The following ZSCAN1 variants were observed in gnomAD, a reference collection of about 807,000 sequenced individuals.
The protein encoded by ZSCAN1 is zinc finger and SCAN domain containing 1, also known as zinc finger and SCAN domain-containing protein 1.
Under a neutral mutation model 23.8 loss-of-function variants are expected in ZSCAN1, and 23 were observed. The ratio of observed to expected loss-of-function variants is 0.97; its 90% confidence interval spans 0.70 to 1.37. ZSCAN1 has a LOEUF of 1.37. ZSCAN1 is among the 40% of genes most tolerant of loss of function. The pLI, the probability that ZSCAN1 is intolerant of heterozygous loss-of-function variation, is 0.00. For synonymous variants in ZSCAN1, 236 were observed against 232.3 expected (o/e 1.02, Z -0.15); for missense variants, 575 against 554.0 (o/e 1.04, Z -0.38).
chr19:58,040,699 A>T lies in ZSCAN1; in HGVS notation c.465+155A>T, dbSNP rs1287000586. ...TCCAAACTCCCCGCCTGCCCCACAG[A>T]TTCCCCAAGCTTCCTGGGGCTCAGT... On this transcript the variant is annotated intron_variant, in intron 4 of 5. Transcript: ENST00000282326. This position sits in a 1 kb window ranked among gnomAD's most constrained non-coding sequence, Gnocchi z 5.8. Among the ~76,000 whole-genome samples, 2 of 152,130 alleles carry T rather than the reference A, an allele frequency of 1.3e-5. No homozygotes were observed. The highest frequency in any genetic ancestry group is 2.9e-5 in the Non-Finnish European group (2 of 68,016).
intron 4 of ZSCAN1, among the ~76,000 whole-genome samples, chr19:58,042,989 C>A (rs2073800603): frequency 6.6e-6 from 1 of 152,236 alleles, no homozygotes; most frequent in Admixed American, 6.5e-5. Flanking sequence ...AGGCCTGGCG[C>A]CCGCGTGGAG....
At position 58,053,480 on chromosome 19, in the gene ZSCAN1, AC is replaced by A; in HGVS notation, c.658del (p.Leu220PhefsTer15). ...CCGAGTATCTGGGACGAGCCTGAGG[AC>A]CTTCTCGCAGGGCCCTCCTCAGACC... Reference protein sequence around the residue: ...LKPSIWDEPEDLLAGPSSDLR... With the variant: ...LKPSIWDEPEXLLAGPSSDLR... On this transcript the variant is annotated frameshift_variant, in exon 6 of 6. Coordinates refer to ENST00000282326, the MANE Select transcript of ZSCAN1 (RefSeq NM_182572.4). LOFTEE classifies it low-confidence loss of function (END_TRUNC). The surrounding 1 kb of genome is among the most constrained non-coding windows in gnomAD (Gnocchi z 5.8). The A allele has an allele frequency of 6.2e-7, 1 of 1,613,790 alleles. No individual in the cohort carries two copies. Among genetic ancestry groups the A allele is most frequent in the Non-Finnish European group, 8.5e-7 (1 of 1,179,832 alleles).
intron 4 of ZSCAN1, among the ~76,000 whole-genome samples, chr19:58,048,278 A>G (rs1199025221): frequency 6.6e-6 from 1 of 152,254 alleles, no homozygotes; most frequent in Admixed American, 6.5e-5. Context: ...TAGACATTTT[A>G]TAGCTTTAAC....
At chr19:58,046,119 C>T (rs548215821) in intron 4 of ZSCAN1, 1 of 702,222 alleles carries the variant, frequency 1.4e-6, no homozygotes, top group African/African-American at 1.8e-5. Context: ...CTGACACTGT[C>T]CTGCAGTCAG....
At position 58,045,136 on chromosome 19, in the gene ZSCAN1, G is replaced by C; in HGVS notation, c.465+4592G>C. ...AAGATCGCAGCACGCATGCTCTGGC[G>C]CATCCTCAACTGCCACACCCTGACC... On this transcript the variant is annotated intron_variant, in intron 4 of 5. Coordinates refer to ENST00000282326, the MANE Select transcript of ZSCAN1 (RefSeq NM_182572.4). This position sits in a 1 kb window ranked among gnomAD's most constrained non-coding sequence, Gnocchi z 4.3. 1 of 1,241,460 alleles carries C rather than the reference G, an allele frequency of 8.1e-7. No individual in the cohort carries two copies. Among genetic ancestry groups the C allele is most frequent in the Non-Finnish European group, 1.2e-6 (1 of 844,870 alleles). The allele number at this position is 1,241,460 out of a possible 1,614,324, so 76.9% of individuals were successfully genotyped here. A position where few individuals can be genotyped will look rare whatever the true frequency, so the allele number is the denominator to read the frequency against.
At chr19:58,039,366 A>G (rs968988867) in intron 3 of ZSCAN1, among the ~76,000 whole-genome samples, 5 of 152,176 alleles carry the variant, frequency 3.3e-5, no homozygotes, top group Non-Finnish European at 7.4e-5. Context: ...AACGTTTTTG[A>G]GCAAAGGGCT....
rs1279975850 is a variant in ZSCAN1 at position 58,034,125 on chromosome 19, G to A, written c.-188G>A. On this transcript the variant is annotated 5_prime_UTR_variant, in exon 1 of 6. It removes an upstream start codon present in the reference 5' UTR. Coordinates refer to ENST00000282326, the MANE Select transcript of ZSCAN1 (RefSeq NM_182572.4). Reference sequence around the variant, plus strand: ...CGCTCGCCAGCCCAGGGGTCGCCATGACCGAGTGGCCCAGGCCCGAGCGAA... The same window carrying A: ...CGCTCGCCAGCCCAGGGGTCGCCATAACCGAGTGGCCCAGGCCCGAGCGAA... The A allele has an allele frequency of 6.6e-6, 1 of 151,360 alleles. No individual in the cohort carries two copies. The highest frequency in any genetic ancestry group is 1.5e-5 in the Non-Finnish European group (1 of 67,796). 9.4% of individuals were successfully genotyped at this position (151,360 alleles called of 1,614,324 possible).
chr19:58,040,667 C>T lies in ZSCAN1; in HGVS notation c.465+123C>T, dbSNP rs902139735. 2 of 949,922 alleles carry T rather than the reference C, an allele frequency of 2.1e-6. No individual in the cohort carries two copies. The highest frequency in any genetic ancestry group is 5.1e-5 in the East Asian group (2 of 39,250). 58.8% of individuals were successfully genotyped at this position (949,922 alleles called of 1,614,324 possible). ...GGTTGTCCCCAGCGCTCCCAGGAAG[C>T]CCGGCCTCCAAACTCCCCGCCTGCC... On this transcript the variant is annotated intron_variant, in intron 4 of 5. Transcript: ENST00000282326. The surrounding 1 kb of genome is among the most constrained non-coding windows in gnomAD (Gnocchi z 5.8).
Position 58,045,357 on chromosome 19 carries a change from G to C in ZSCAN1, c.465+4813G>C. The C allele has an allele frequency of 1.2e-6, 1 of 817,232 alleles. No individual in the cohort carries two copies. The allele number at this position is 817,232 out of a possible 1,614,324, so 50.6% of individuals were successfully genotyped here. ...GCTGAAGGAGCTTCAGGTCAAGCTG[G>C]AGCTAGCCGAGTTCCTCCAGGACAC... On this transcript the variant is annotated intron_variant, in intron 4 of 5. Transcript: ENST00000282326. The surrounding 1 kb of genome is among the most constrained non-coding windows in gnomAD (Gnocchi z 4.3).
intron 4 of ZSCAN1, among the ~76,000 whole-genome samples, chr19:58,044,385 T>G (rs1592996): frequency 0.89 from 134,587 of 151,926 alleles, 60,371 homozygotes; most frequent in African/African-American, 0.94. Flanking sequence ...AGCTTTGTTT[T>G]AAAGAAGCGG....
In ZSCAN1 at chr19:58,038,104, C is replaced by T. The variant is rs2073753383; in HGVS notation, c.268C>T (p.Leu90=). Residue 90 remains leucine, a synonymous_variant, in exon 3 of 6, where the codon CTG becomes TTG. Coordinates refer to ENST00000282326, the MANE Select transcript of ZSCAN1 (RefSeq NM_182572.4). Reference sequence around the variant, plus strand: ...GGTGCTGGAGCAGTTCCTGGGCGCGCTGCCCAGCAAGATGCGGACCTGGGT... The same window carrying T: ...GGTGCTGGAGCAGTTCCTGGGCGCGTTGCCCAGCAAGATGCGGACCTGGGT... The part of the protein sequence containing the change: ...LLVLEQFLGA[L]PSKMRTWVQS... 9 of 1,610,992 alleles carry T rather than the reference C, an allele frequency of 5.6e-6. No homozygotes were observed. The highest frequency in any genetic ancestry group is 7.6e-6 in the Non-Finnish European group (9 of 1,179,806).
At chr19:58,052,878 G>T (rs2073866971) in intron 5 of ZSCAN1, among the ~76,000 whole-genome samples, 2 of 152,086 alleles carry the variant, frequency 1.3e-5, no homozygotes, top group African/African-American at 4.8e-5. Context: ...CAGTCTGAGA[G>T]TGTTGGAGCA....
Position 58,038,123 on chromosome 19 carries a change from C to A in ZSCAN1, c.287C>A (p.Thr96Asn), listed in dbSNP as rs1292724191. 4 of 1,610,366 alleles carry A rather than the reference C, an allele frequency of 2.5e-6. No individual in the cohort carries two copies. In the African/African-American group the frequency reaches 5.3e-5, roughly 22 times the overall value. Residue 96 changes from threonine (T) to asparagine (N), a missense_variant, in exon 3 of 6, where the codon ACC (threonine) becomes AAC (asparagine). Thr to Asn is a moderately conservative substitution (Grantham distance 65). Transcript: ENST00000282326. ...FLGALPSKMR[T>N]WVQSQGPRSC... ...GGCGCGCTGCCCAGCAAGATGCGGA[C>A]CTGGGTGCAGTCACAGGGCCCCCGA...
rs1247190980 is a variant in ZSCAN1 at position 58,034,041 on chromosome 19, A to G, written c.-272A>G. The G allele has an allele frequency of 6.6e-6, 1 of 151,920 alleles. No individual in the cohort carries two copies. The highest frequency in any genetic ancestry group is 1.5e-5 in the Non-Finnish European group (1 of 67,930). The allele number at this position is 151,920 out of a possible 1,614,324, so 9.4% of individuals were successfully genotyped here. ...ACGCCCGGCGTGATCCAGCGGACCAATGGCGGCCGCCCGCGGCGCGCAGGG... is the reference window on the plus strand; with the variant it reads ...ACGCCCGGCGTGATCCAGCGGACCAGTGGCGGCCGCCCGCGGCGCGCAGGG... On this transcript the variant is annotated 5_prime_UTR_variant, in exon 1 of 6. An upstream start codon of the reference 5' UTR is lost. Transcript: ENST00000282326.
chr19:58,054,019 C>G lies in ZSCAN1; in HGVS notation c.1195C>G (p.Gln399Glu). Residue 399 changes from glutamine (Q) to glutamate (E), a missense_variant, in exon 6 of 6, where the codon CAG becomes GAG. Gln to Glu is a conservative substitution (Grantham distance 29, BLOSUM62 2). Transcript: ENST00000282326. This position sits in a 1 kb window ranked among gnomAD's most constrained non-coding sequence, Gnocchi z 4.2. ...CTGGATGGTCCACCTCATTGACCAC[C>G]AGAAGCTCCACACGGCCCACGGCCA... ...FPWMVHLIDH[Q>E]KLHTAHGHM 2 of 1,545,904 alleles carry G rather than the reference C, an allele frequency of 1.3e-6. No homozygotes were observed. The highest frequency in any genetic ancestry group is 1.7e-6 in the Non-Finnish European group (2 of 1,146,038).
In ZSCAN1 at chr19:58,054,213, C is replaced by A. The variant is rs1436971032; in HGVS notation, c.*162C>A. On this transcript the variant is annotated 3_prime_UTR_variant, in exon 6 of 6. Transcript: ENST00000282326. The surrounding 1 kb of genome is among the most constrained non-coding windows in gnomAD (Gnocchi z 4.2). ...TCTCGGAAGACCCTGGACACCTGCT[C>A]CGAAGCCAAGCACGGGATGGGGCTT... 1.0e-5 allele frequency: 10 copies of A among 1,000,024 alleles called. No homozygotes were observed. In the Admixed American group the frequency reaches 1.2e-4, roughly 12 times the overall value. 61.9% of individuals were successfully genotyped at this position (1,000,024 alleles called of 1,614,324 possible).
downstream of ZSCAN1, among the ~76,000 whole-genome samples, chr19:58,055,927 A>G (rs182698540): frequency 1.6e-4 from 24 of 152,260 alleles, no homozygotes; most frequent in East Asian, 4.1e-3. Context: ...CAAAAACAAA[A>G]AACAACAACA....
chr19:58,049,611 T>A lies in ZSCAN1; in HGVS notation c.466-2879T>A, dbSNP rs551697917. Among the ~76,000 whole-genome samples the A allele has an allele frequency of 1.3e-5, 2 of 152,248 alleles. No homozygotes were observed. Among genetic ancestry groups the A allele is most frequent in the South Asian group, 4.2e-4 (2 of 4,818 alleles). ...TGTTGACTGAAACACCATTACCCCATGGGGAGGGGCTGCCTGAAGCCTGTA... is the reference window on the plus strand; with the variant it reads ...TGTTGACTGAAACACCATTACCCCAAGGGGAGGGGCTGCCTGAAGCCTGTA... On this transcript the variant is annotated intron_variant, in intron 4 of 5. Coordinates refer to ENST00000282326, the MANE Select transcript of ZSCAN1 (RefSeq NM_182572.4). The surrounding 1 kb of genome is among the most constrained non-coding windows in gnomAD (Gnocchi z 4.5).
At chr19:58,034,213 GA>G (rs1391558183) in intron 1 of ZSCAN1, 52 bp downstream of exon 1, 14 of 151,236 alleles carry the variant, frequency 9.3e-5, no homozygotes, top group Non-Finnish European at 1.9e-4. Flanking sequence ...CGTCCATCGG[GA>G]CGCCCACCCG....
Sources: gnomAD v4.1 joint callset for allele counts (sites outside exome capture counted in the v4.1 genomes callset) on GRCh38, gnomAD v4.1.1 for gene constraint, Gnocchi (gnomAD v3.1) non-coding constraint, MANE v1.5 for transcripts, NCBI Gene and HGNC (gene_info 2026-07-23, HGNC 2026-07-21) for gene names.